Variants in BROX observed in about 807,000 individuals in gnomAD.
The protein encoded by BROX is BRO1 domain and CAAX motif containing.
BROX carries 53 observed loss-of-function variants against 61.0 expected under a neutral mutation model. The ratio of observed to expected loss-of-function variants is 0.87; its 90% CI spans 0.70 to 1.09. BROX has a LOEUF of 1.09. Among genes scored for constraint, BROX ranks in the 50% least tolerant of loss-of-function variants. The pLI is 0.00. For synonymous variants in BROX, 152 were observed against 160.2 expected, an observed-to-expected ratio of 0.95 and a Z score of 0.38; for missense variants, 489 against 472.0, an observed-to-expected ratio of 1.04 and a Z score of -0.33.
At chr1:222,720,061 G>A (rs139636656) in intron 4 of BROX, among the ~76,000 whole-genome samples, 1 of 152,272 alleles carries the variant, frequency 6.6e-6, no homozygotes, top group Non-Finnish European at 1.5e-5. Flanking sequence ...GACCAGAGCA[G>A]ACTGTACATT....
Position 222,733,901 on chromosome 1 carries a change from C to G in BROX, c.*1187C>G, listed in dbSNP as rs1244510869. On this transcript the variant is annotated 3_prime_UTR_variant, in exon 13 of 13. Transcript: ENST00000340934. Reference sequence around the variant, plus strand: ...AATGAGTAGGTTGTCCTGAATTACACTGGTAACTCTCTACTTCTTTATTAA... The same window carrying G: ...AATGAGTAGGTTGTCCTGAATTACAGTGGTAACTCTCTACTTCTTTATTAA... The G allele has an allele frequency of 6.6e-6, 1 of 152,194 alleles. No homozygotes were observed. The highest frequency in any genetic ancestry group is 1.5e-5 in the Non-Finnish European group (1 of 68,032). 9.4% of individuals were successfully genotyped at this position (152,194 alleles called of 1,614,324 possible).
Position 222,724,079 on chromosome 1 carries a change from C to G in BROX, c.402-13C>G. 6.3e-7 allele frequency: 1 copy of G among 1,587,064 alleles called. No individual in the cohort carries two copies. Among genetic ancestry groups the G allele is most frequent in the Non-Finnish European group, 8.6e-7 (1 of 1,162,170 alleles). ...GAATTCATCCTCTAACTAATGTAAC[C>G]CCTATCTTTAAGTATAACAGAAGAT... On this transcript the variant is annotated splice_polypyrimidine_tract_variant and intron_variant, in intron 5 of 12. Transcript: ENST00000340934.
intron 7 of BROX, among the ~76,000 whole-genome samples, chr1:222,726,421 A>G (rs1472105113): frequency 6.6e-6 from 1 of 152,134 alleles, no homozygotes; most frequent in Non-Finnish European, 1.5e-5. Context: ...TATTTAAAAA[A>G]TTAGCCAGTT....
chr1:222,728,593 C>T (rs1370319074), intron 8 of BROX, 150 bp from the exon 9 acceptor site: 3 of 472,514 alleles, frequency 6.3e-6, no homozygotes, highest in Non-Finnish European at 1.2e-5. Context: ...TTGGTAAAAT[C>T]AAGTAAAGGT....
intron 6 of BROX, 52 bp from the exon 7 acceptor site, chr1:222,725,398 T>A: frequency 1.6e-6 from 2 of 1,282,150 alleles, no homozygotes; most frequent in Non-Finnish European, 2.2e-6. Context: ...ACAACTGGAT[T>A]AAAATAAAAT....
In BROX at chr1:222,732,900, GA is replaced by G; in HGVS notation, c.*187del. 3.5e-6 allele frequency: 2 copies of G among 564,286 alleles called. No individual in the cohort carries two copies. Among genetic ancestry groups the G allele is most frequent in the South Asian group, 4.5e-5 (2 of 44,402 alleles). The allele number at this position is 564,286 out of a possible 1,614,324, so 35.0% of individuals were successfully genotyped here. On this transcript the variant is annotated 3_prime_UTR_variant, in exon 13 of 13. Coordinates refer to ENST00000340934, the MANE Select transcript of BROX (RefSeq NM_144695.4). ...GGAGATGTTTCTTGCTTTGTTTTCA[GA>G]CTCTCCTTTTTAATCAGGACAACAT...
At chr1:222,728,888 C>T in intron 9 of BROX, 60 bp downstream of exon 9, 1 of 1,240,764 alleles carries the variant, frequency 8.1e-7, no homozygotes, top group African/African-American at 1.5e-5. Flanking sequence ...CTTGGAGTGC[C>T]AGGTCTCTCA....
chr1:222,721,682 C>T (rs1192862758), intron 4 of BROX, among the ~76,000 whole-genome samples: 1 of 152,076 alleles, frequency 6.6e-6, no homozygotes, highest in Non-Finnish European at 1.5e-5. Context: ...ATAATAGAAT[C>T]TGAAGGAAAC....
chr1:222,725,611 C>T, intron 7 of BROX, 56 bp downstream of exon 7: 2 of 1,397,398 alleles, frequency 1.4e-6, no homozygotes, highest in South Asian at 2.6e-5. Flanking sequence ...TCATTGAATT[C>T]CTCTTTAAAA....
chr1:222,718,797 CA>C, intron 2 of BROX, 127 bp from the exon 3 acceptor site: 1 of 709,018 alleles, frequency 1.4e-6, no homozygotes, highest in East Asian at 2.7e-5. Flanking sequence ...AAAGCTTTTA[CA>C]TTGAAACCTG....
At chr1:222,729,766 A>G (rs987966583) in intron 10 of BROX, 65 bp downstream of exon 10, 4 of 1,456,970 alleles carry the variant, frequency 2.7e-6, no homozygotes, top group Non-Finnish European at 1.9e-6. Context: ...ATAAAAGGGA[A>G]TATATGCTTA....
chr1:222,722,412 A>G lies in BROX; in HGVS notation c.306-7A>G. ...ACAGAACTTAATGATCATGTTTATA[A>G]TTCCAGTGCCCAGCAGGATGCTGTT... On this transcript the variant is annotated splice_region_variant and splice_polypyrimidine_tract_variant and intron_variant, in intron 4 of 12. Transcript: ENST00000340934. 1 of 1,607,744 alleles carries G rather than the reference A, an allele frequency of 6.2e-7. No individual in the cohort carries two copies. Among genetic ancestry groups the G allele is most frequent in the South Asian group, 1.1e-5 (1 of 90,902 alleles).
chr1:222,720,457 T>C (rs1405276532), intron 4 of BROX, among the ~76,000 whole-genome samples: 1 of 152,214 alleles, frequency 6.6e-6, no homozygotes, highest in Non-Finnish European at 1.5e-5. Context: ...ACAGATTCTA[T>C]AATGTGTGCA....
intron 8 of BROX, among the ~76,000 whole-genome samples, chr1:222,728,456 G>C (rs1046357289): frequency 2.6e-5 from 4 of 152,056 alleles, no homozygotes; most frequent in Non-Finnish European, 5.9e-5. Context: ...GGTATAAACA[G>C]TATTCACCTT....
chr1:222,728,785 G>T lies in BROX; in HGVS notation c.713G>T (p.Trp238Leu). 2 of 1,602,590 alleles carry T rather than the reference G, an allele frequency of 1.2e-6. No homozygotes were observed. The highest frequency in any genetic ancestry group is 1.7e-6 in the Non-Finnish European group (2 of 1,171,594). The stretch of plus-strand genomic sequence containing the variant: ...TTGGAGCCTGCATATTCTGCCAAAT[G>T]GAGAAAATATCTTCACTTGAAGATG... Reference protein sequence around the residue: ...SSLEPAYSAKWRKYLHLKMCF... With the variant: ...SSLEPAYSAKLRKYLHLKMCF... The change falls in exon 9 of 13, where the codon TGG (tryptophan) becomes TTG (leucine). Residue 238 changes from tryptophan to leucine, a missense_variant. Physicochemically the swap from Trp to Leu is moderately conservative, Grantham distance 61. Coordinates refer to ENST00000340934, the MANE Select transcript of BROX (RefSeq NM_144695.4).
intron 10 of BROX, 99 bp from the exon 11 acceptor site, chr1:222,729,928 G>T: frequency 8.7e-7 from 1 of 1,148,566 alleles, no homozygotes; most frequent in South Asian, 1.6e-5. Context: ...ATTAGGTAAA[G>T]AGCAGTAAAT....
rs1656895600 is a variant in BROX at position 222,719,412 on chromosome 1, G to T, written c.305+53G>T. ...TGGAGCCAGTTTTTGTAACTATGTAGCCAGTGGTTAACTCATAGCCTTTGT... is the reference window on the plus strand; with the variant it reads ...TGGAGCCAGTTTTTGTAACTATGTATCCAGTGGTTAACTCATAGCCTTTGT... On this transcript the variant is annotated intron_variant, in intron 4 of 12. Coordinates refer to ENST00000340934, the MANE Select transcript of BROX (RefSeq NM_144695.4). 4 of 1,275,978 alleles carry T rather than the reference G, an allele frequency of 3.1e-6. No homozygotes were observed. The South Asian group carries it at 3.6e-5, about 12-fold the overall frequency. 79.0% of individuals were successfully genotyped at this position (1,275,978 alleles called of 1,614,324 possible). A position where few individuals can be genotyped will look rare whatever the true frequency, so the allele number is the denominator to read the frequency against.
chr1:222,713,013 G>C (rs781120398), intron 1 of BROX, 71 bp downstream of exon 1: 1 of 1,167,654 alleles, frequency 8.6e-7, no homozygotes, highest in Non-Finnish European at 1.1e-6. Flanking sequence ...CAAGCAATAG[G>C]ATCACCCCCT....
intron 4 of BROX, among the ~76,000 whole-genome samples, chr1:222,722,040 G>A (rs1033643611): frequency 6.6e-6 from 1 of 151,958 alleles, no homozygotes; most frequent in Non-Finnish European, 1.5e-5. Flanking sequence ...CTAAAATGTT[G>A]TATAAGAGCC....
Sources: allele counts gnomAD v4.1 joint callset (sites outside exome capture counted in the v4.1 genomes callset), GRCh38; gene constraint gnomAD v4.1.1; transcripts MANE v1.5; gene names NCBI Gene and HGNC (gene_info 2026-07-23, HGNC 2026-07-21).